The following SPI1 variants were observed in gnomAD, a reference collection of about 807,000 sequenced individuals.
The protein encoded by SPI1 is Spi-1 proto-oncogene, also known as transcription factor PU.1.
In SPI1, 3 loss-of-function variants were observed where a neutral mutation model predicts 30.7. The ratio of observed to expected loss-of-function variants is 0.10; its 90% CI spans 0.04 to 0.25. The LOEUF (loss-of-function observed/expected upper bound fraction) is 0.25. Ranked by LOEUF, SPI1 falls within the 10% of genes least tolerant of loss-of-function variation. The pLI, the probability that SPI1 is intolerant of heterozygous loss-of-function variation, is 1.00. For missense variants in SPI1, 261 were observed against 371.5 expected, an observed-to-expected ratio of 0.70 and a Z score of 2.45; for synonymous variants, 169 against 157.1, an observed-to-expected ratio of 1.08 and a Z score of -0.56.
In SPI1 at chr11:47,354,949, G is replaced by C; in HGVS notation, c.*278C>G. The stretch of plus-strand genomic sequence containing the variant: ...AGATCTGATTTACATACGGACTTGA[G>C]ACTCCCAAGGCAGTACCCCGGGTCG... On this transcript the variant is annotated 3_prime_UTR_variant, in exon 5 of 5. Coordinates refer to ENST00000378538, the MANE Select transcript of SPI1 (RefSeq NM_003120.3). The C allele has an allele frequency of 3.3e-6, 1 of 306,894 alleles. No homozygotes were observed. The highest frequency in any genetic ancestry group is 6.0e-6 in the Non-Finnish European group (1 of 167,000). 19.0% of individuals were successfully genotyped at this position (306,894 alleles called of 1,614,324 possible). A position where few individuals can be genotyped will look rare whatever the true frequency, so the allele number is the denominator to read the frequency against.
chr11:47,357,994 CCTG>C (rs1264181812), intron 4 of SPI1, among the ~76,000 whole-genome samples: 2 of 152,082 alleles, frequency 1.3e-5, no homozygotes, highest in Non-Finnish European at 2.9e-5. Flanking sequence ...CCCACACACA[CCTG>C]CTCACACATG....
intron 2 of SPI1, among the ~76,000 whole-genome samples, chr11:47,369,985 G>T (rs2095933516): frequency 6.6e-6 from 1 of 152,242 alleles, no homozygotes. Flanking sequence ...AAGAAGTTGA[G>T]GCACAGAGAG....
chr11:47,356,498 ACACT>A (rs1332630278), intron 4 of SPI1, among the ~76,000 whole-genome samples: 15 of 130,830 alleles, frequency 1.1e-4, no homozygotes, highest in African/African-American at 4.3e-4. Context: ...GCACCTTCTC[ACACT>A]CATATGCCCA....
chr11:47,362,208 AAGAC>A (rs1329149972), intron 2 of SPI1, among the ~76,000 whole-genome samples: 13 of 152,206 alleles, frequency 8.5e-5, no homozygotes, highest in African/African-American at 3.1e-4. Flanking sequence ...ACTTGGCACA[AAGAC>A]AGACCTTGAT....
intron 2 of SPI1, among the ~76,000 whole-genome samples, chr11:47,360,550 G>C (rs139614781): frequency 6.6e-6 from 1 of 152,182 alleles, no homozygotes; most frequent in African/African-American, 2.4e-5. Flanking sequence ...AGCCAGGGCC[G>C]CGCGCGGTGG....
chr11:47,358,725 G>GCACA (rs3832728), intron 4 of SPI1, 119 bp downstream of exon 4: 173 of 943,134 alleles, frequency 1.8e-4, no homozygotes, highest in African/African-American at 6.4e-4. Flanking sequence ...TGGCAAACAT[G>GCACA]CACACACACA....
At chr11:47,369,156 G>A (rs2095932349) in intron 2 of SPI1, among the ~76,000 whole-genome samples, 1 of 152,186 alleles carries the variant, frequency 6.6e-6, no homozygotes, top group South Asian at 2.1e-4. Context: ...GGAGGCTGAG[G>A]CAGGAGAATC....
At chr11:47,376,500 G>C (rs2095942479) in intron 1 of SPI1, among the ~76,000 whole-genome samples, 1 of 151,988 alleles carries the variant, frequency 6.6e-6, no homozygotes, top group East Asian at 1.9e-4. Context: ...GGAGGGCCTT[G>C]ATCCCCTCAC....
chr11:47,359,994 C>T lies in SPI1; in HGVS notation c.189G>A (p.Glu63=), dbSNP rs762991052. The part of the protein sequence containing the change: ...FHPHHVHSEF[E]SFAENNFTEL... ...CCGTGAAGTTGTTCTCGGCGAAGCT[C>T]TCGAACTCGCTGTGCACGTGGTGGG... The change falls in exon 3 of 5, where the codon GAG becomes GAA. Residue 63 remains glutamate, a synonymous_variant. Transcript: ENST00000378538. This position sits in a 1 kb window ranked among gnomAD's most constrained non-coding sequence, Gnocchi z 5.1. The T allele has an allele frequency of 2.0e-5, 32 of 1,602,550 alleles. No individual in the cohort carries two copies. Among genetic ancestry groups the T allele is most frequent in the Non-Finnish European group, 2.7e-5 (32 of 1,173,570 alleles).
intron 1 of SPI1, among the ~76,000 whole-genome samples, chr11:47,376,236 A>AT: frequency 6.6e-6 from 1 of 151,992 alleles, no homozygotes; most frequent in African/African-American, 2.4e-5. Context: ...CACTCAGCTC[A>AT]TGCACACACG....
At position 47,378,361 on chromosome 11, in the gene SPI1, G is replaced by T. The variant is rs1338625961; in HGVS notation, c.-8C>A. The T allele has an allele frequency of 2.5e-6, 4 of 1,612,210 alleles. No individual in the cohort carries two copies. The highest frequency in any genetic ancestry group is 1.3e-5 in the African/African-American group (1 of 74,906). On this transcript the variant is annotated 5_prime_UTR_variant, in exon 1 of 5. Transcript: ENST00000378538. ...TTTGCACGCCTGTAACATCCAGCCG[G>T]GCTCCGAGTCGGTCAGATCCCCTGC...
In SPI1 at chr11:47,355,416, C is replaced by T; in HGVS notation, c.624G>A (p.Ala208=). 3 of 1,613,872 alleles carry T rather than the reference C, an allele frequency of 1.9e-6. No individual in the cohort carries two copies. Among genetic ancestry groups the T allele is most frequent in the Non-Finnish European group, 1.7e-6 (2 of 1,179,794 alleles). The part of the protein sequence containing the change: ...TFQFSSKHKE[A]LAHRWGIQKG... ...TCTGGATGCCCCAGCGGTGCGCCAG[C>T]GCCTCCTTGTGCTTGGACGAGAACT... The change falls in exon 5 of 5, where the codon GCG becomes GCA. Residue 208 remains alanine, a synonymous_variant. Transcript: ENST00000378538.
intron 1 of SPI1, among the ~76,000 whole-genome samples, chr11:47,376,674 T>G (rs2095942828): frequency 6.6e-6 from 1 of 150,968 alleles, no homozygotes; most frequent in Non-Finnish European, 1.5e-5. Context: ...CTCCTCCCTG[T>G]CCTCCTCCCC....
At chr11:47,364,501 G>A (rs189454064) in intron 2 of SPI1, among the ~76,000 whole-genome samples, 41 of 152,124 alleles carry the variant, frequency 2.7e-4, no homozygotes, top group Admixed American at 3.9e-4. Flanking sequence ...CCCACTTCTG[G>A]CTCTGCCCAT....
At chr11:47,364,333 T>G (rs1470736593) in intron 2 of SPI1, among the ~76,000 whole-genome samples, 1 of 152,098 alleles carries the variant, frequency 6.6e-6, no homozygotes, top group African/African-American at 2.4e-5. Context: ...TACAGGCGTC[T>G]GGCCTTAATT....
chr11:47,356,535 TCA>T (rs2095909849), intron 4 of SPI1, among the ~76,000 whole-genome samples: 1 of 149,796 alleles, frequency 6.7e-6, no homozygotes, highest in Admixed American at 6.6e-5. Context: ...CACACACACC[TCA>T]CACCAGGTTC....
chr11:47,357,561 C>T (rs1310503547), intron 4 of SPI1, among the ~76,000 whole-genome samples: 2 of 142,818 alleles, frequency 1.4e-5, no homozygotes, highest in Non-Finnish European at 3.1e-5. Flanking sequence ...CACACTCACA[C>T]ATCACACCCA....
intron 1 of SPI1, among the ~76,000 whole-genome samples, chr11:47,377,248 G>A (rs1168695196): frequency 6.6e-6 from 1 of 152,156 alleles, no homozygotes; most frequent in Non-Finnish European, 1.5e-5. Context: ...TGTCAGGCCT[G>A]GGGTGCCTCC....
At chr11:47,361,687 G>A (rs942436174) in intron 2 of SPI1, among the ~76,000 whole-genome samples, 17 of 152,160 alleles carry the variant, frequency 1.1e-4, no homozygotes, top group African/African-American at 3.6e-4. Flanking sequence ...CCATGCGTGC[G>A]TGTGTACGTG....
Sources: allele counts gnomAD v4.1 joint callset (sites outside exome capture counted in the v4.1 genomes callset), GRCh38; gene constraint gnomAD v4.1.1; non-coding constraint Gnocchi (gnomAD v3.1); transcripts MANE v1.5; gene names NCBI Gene and HGNC (gene_info 2026-07-23, HGNC 2026-07-21).